RMND5A: variants seen among roughly 807,000 people sequenced by gnomAD.
RMND5A encodes the protein E3 ubiquitin-protein transferase RMND5A.
A neutral mutation model predicts 49.7 loss-of-function variants in RMND5A; 17 were observed. The observed-to-expected ratio is 0.34, with a 90% CI of 0.23 to 0.51. The LOEUF is 0.51. Ranked by LOEUF, RMND5A falls within the 20% of genes least tolerant of loss-of-function variation. RMND5A has a pLI of 0.96. For synonymous variants in RMND5A, 156 were observed against 167.7 expected (o/e 0.93, Z 0.54); for missense variants, 255 against 471.3 (o/e 0.54, Z 4.25).
chr2:86,776,995 G>C lies in RMND5A; in HGVS notation c.*3584G>C, dbSNP rs1258296657. The C allele has an allele frequency of 6.6e-6, 1 of 152,176 alleles. No homozygotes were observed. The highest frequency in any genetic ancestry group is 1.9e-4 in the East Asian group (1 of 5,198). The allele number at this position is 152,176 out of a possible 1,614,324, so 9.4% of individuals were successfully genotyped here. On this transcript the variant is annotated 3_prime_UTR_variant, in exon 9 of 9. Coordinates refer to ENST00000283632, the MANE Select transcript of RMND5A (RefSeq NM_022780.4). Reference sequence around the variant, plus strand: ...TACCATAAGCAGGTACAAGCTTCATGAACCGTTCTTAATGAACTATAATTG... The same window carrying C: ...TACCATAAGCAGGTACAAGCTTCATCAACCGTTCTTAATGAACTATAATTG...
In RMND5A at chr2:86,770,134, C is replaced by T. The variant is rs1672664654; in HGVS notation, c.957+9C>T. On this transcript the variant is annotated intron_variant, in intron 7 of 8. Coordinates refer to ENST00000283632, the MANE Select transcript of RMND5A (RefSeq NM_022780.4). ...AGAAAGATGAATTACCTGTGAGTTCCATTTTCTATTGGCTATTTACTTTTA... is the reference window on the plus strand; with the variant it reads ...AGAAAGATGAATTACCTGTGAGTTCTATTTTCTATTGGCTATTTACTTTTA... 6.4e-7 allele frequency: 1 copy of T among 1,568,892 alleles called. No homozygotes were observed. Among genetic ancestry groups the T allele is most frequent in the African/African-American group, 1.4e-5 (1 of 73,972 alleles).
chr2:86,729,387 A>G (rs1681323449), intron 1 of RMND5A, among the ~76,000 whole-genome samples: 1 of 151,250 alleles, frequency 6.6e-6, no homozygotes, highest in Non-Finnish European at 1.5e-5. Flanking sequence ...GTAGTTATTA[A>G]TCACCATTTA....
At chr2:86,721,420 G>A (rs1161001857) in intron 1 of RMND5A, among the ~76,000 whole-genome samples, 1 of 151,930 alleles carries the variant, frequency 6.6e-6, no homozygotes, top group Admixed American at 6.6e-5. Flanking sequence ...CAGCGGCTCT[G>A]ACATGGTTCC....
At chr2:86,760,107 C>T (rs1274629327) in intron 4 of RMND5A, among the ~76,000 whole-genome samples, 1 of 151,870 alleles carries the variant, frequency 6.6e-6, no homozygotes, top group Admixed American at 6.6e-5. Flanking sequence ...TGCAATGGCG[C>T]AATCTTGGCT....
chr2:86,769,846 C>G (rs896874850), intron 6 of RMND5A, among the ~76,000 whole-genome samples, 177 bp from the exon 7 acceptor site: 13 of 152,086 alleles, frequency 8.5e-5, no homozygotes, highest in Non-Finnish European at 1.6e-4. Flanking sequence ...GGAGGGAAAA[C>G]AAGTTATTTC....
At position 86,753,550 on chromosome 2, in the gene RMND5A, T is replaced by C; in HGVS notation, c.513T>C (p.Pro171=). The stretch of plus-strand genomic sequence containing the variant: ...CATTAAAGGTCAGAGTTCTGAGACC[T>C]GCTCTGGAGTGAGTATTGAGTTTGC... ...LEALKVRVLR[P]ALEWAVSNRE... The change falls in exon 4 of 9, where the codon CCT becomes CCC. Residue 171 remains proline, a synonymous_variant. Coordinates refer to ENST00000283632, the MANE Select transcript of RMND5A (RefSeq NM_022780.4). 6.4e-7 allele frequency: 1 copy of C among 1,556,908 alleles called. No individual in the cohort carries two copies. The highest frequency in any genetic ancestry group is 8.8e-7 in the Non-Finnish European group (1 of 1,132,952).
intron 8 of RMND5A, 121 bp from the exon 9 acceptor site, chr2:86,773,227 C>T (rs1178014122): frequency 8.2e-6 from 4 of 487,818 alleles, no homozygotes; most frequent in African/African-American, 2.0e-5. Context: ...TACAAACAGA[C>T]TTGTTTTTGT....
chr2:86,748,101 T>C (rs1184632616), intron 2 of RMND5A: 2 of 152,242 alleles, frequency 1.3e-5, no homozygotes, highest in Non-Finnish European at 2.9e-5. Flanking sequence ...TTTCTCTTCA[T>C]TAGCCACCTC....
chr2:86,764,489 C>T (rs141945633), intron 4 of RMND5A, among the ~76,000 whole-genome samples: 139 of 152,324 alleles, frequency 9.1e-4, no homozygotes, highest in African/African-American at 3.2e-3. Flanking sequence ...TCATTTTGCA[C>T]AGTAAGATTT....
chr2:86,758,009 C>T (rs1442675786), intron 4 of RMND5A, among the ~76,000 whole-genome samples: 1 of 152,200 alleles, frequency 6.6e-6, no homozygotes, highest in African/African-American at 2.4e-5. Context: ...CCATTATGTC[C>T]ACCATGGAGG....
chr2:86,721,412 G>A (rs1212765497), intron 1 of RMND5A, among the ~76,000 whole-genome samples: 10 of 152,038 alleles, frequency 6.6e-5, no homozygotes, highest in African/African-American at 2.4e-4. Context: ...TAACTCCGCA[G>A]CGGCTCTGAC....
chr2:86,775,540 G>C lies in RMND5A; in HGVS notation c.*2129G>C, dbSNP rs1672753948. The C allele has an allele frequency of 6.6e-6, 1 of 151,790 alleles. No homozygotes were observed. Among genetic ancestry groups the C allele is most frequent in the African/African-American group, 2.4e-5 (1 of 41,340 alleles). 9.4% of individuals were successfully genotyped at this position (151,790 alleles called of 1,614,324 possible). Reference sequence around the variant, plus strand: ...TTTAAAGGACAAAAGCCAGAGCTCAGCTTTATCCCTCTCCCAGTGCTGGGA... The same window carrying C: ...TTTAAAGGACAAAAGCCAGAGCTCACCTTTATCCCTCTCCCAGTGCTGGGA... On this transcript the variant is annotated 3_prime_UTR_variant, in exon 9 of 9. Transcript: ENST00000283632.
intron 6 of RMND5A, among the ~76,000 whole-genome samples, chr2:86,768,911 C>CT (rs1392760998): frequency 2.6e-5 from 4 of 152,048 alleles, no homozygotes; most frequent in Non-Finnish European, 5.9e-5. Flanking sequence ...AATATAAAAC[C>CT]TTTTTTGGCA....
At chr2:86,768,016 C>T (rs1175193252) in intron 6 of RMND5A, among the ~76,000 whole-genome samples, 2 of 152,178 alleles carry the variant, frequency 1.3e-5, no homozygotes, top group African/African-American at 4.8e-5. Context: ...AACAGTGCCA[C>T]TCTTCTCACA....
At chr2:86,731,592 T>TC (rs1315849544) in intron 1 of RMND5A, among the ~76,000 whole-genome samples, 4 of 15,102 alleles carry the variant, frequency 2.6e-4, no homozygotes, top group Non-Finnish European at 3.0e-4. Flanking sequence ...ATCATAGATT[T>TC]CCCCCCCCAC....
chr2:86,746,948 T>C (rs757640138), intron 2 of RMND5A, among the ~76,000 whole-genome samples: 2 of 152,238 alleles, frequency 1.3e-5, no homozygotes, highest in Non-Finnish European at 2.9e-5. Context: ...AAAAAATGCA[T>C]CTACAAAATG....
At chr2:86,769,964 TTGGACCAAGC>T (rs1209892762) in intron 6 of RMND5A, 49 bp from the exon 7 acceptor site, 17 of 1,264,544 alleles carry the variant, frequency 1.3e-5, no homozygotes, top group Non-Finnish European at 2.0e-5. Flanking sequence ...TGATGTCTCC[TTGGACCAAGC>T]GGCCTGACCC....
At chr2:86,752,242 AT>A (rs1276429052) in intron 3 of RMND5A, among the ~76,000 whole-genome samples, 4 of 152,036 alleles carry the variant, frequency 2.6e-5, no homozygotes, top group Non-Finnish European at 5.9e-5. Flanking sequence ...TATCCAGATC[AT>A]TTTTTTCTTG....
At chr2:86,732,515 A>G (rs1681349013) in intron 1 of RMND5A, among the ~76,000 whole-genome samples, 1 of 143,890 alleles carries the variant, frequency 6.9e-6, no homozygotes, top group Non-Finnish European at 1.5e-5. Flanking sequence ...TAGGGAAGAA[A>G]GTAAAACAAA....
Sources: allele counts gnomAD v4.1 joint callset (sites outside exome capture counted in the v4.1 genomes callset), GRCh38; gene constraint gnomAD v4.1.1; transcripts MANE v1.5; gene names NCBI Gene and HGNC (gene_info 2026-07-23, HGNC 2026-07-21).